OTULIN: variants seen among roughly 807,000 people sequenced by gnomAD.
OTULIN encodes the protein ubiquitin thioesterase otulin.
A neutral mutation model predicts 39.6 loss-of-function variants in OTULIN; 15 were observed. The observed-to-expected ratio is 0.38, with a 90% confidence interval of 0.25 to 0.58. The LOEUF is 0.58. OTULIN is among the 20% of genes least tolerant of loss of function. The pLI, the probability that OTULIN is intolerant of heterozygous loss-of-function variation, is 0.66. For missense variants in OTULIN, 319 were observed against 445.9 expected (o/e 0.72, Z 2.56); for synonymous variants, 156 against 170.3 (o/e 0.92, Z 0.65).
chr5:14,686,966 G>A (rs1736401973), intron 4 of OTULIN, among the ~76,000 whole-genome samples: 2 of 152,180 alleles, frequency 1.3e-5, no homozygotes, highest in African/African-American at 2.4e-5. Context: ...ACTAGACATA[G>A]TATCATTTCT....
the OTULIN span, chr5:14,713,700 GC>G: frequency 8.7e-6 from 14 of 1,611,926 alleles, no homozygotes; most frequent in Non-Finnish European, 1.2e-5. This position sits in a 1 kb window ranked among gnomAD's most constrained non-coding sequence, Gnocchi z 4.4. Context: ...CGTCAGCCGT[GC>G]CCGCCATCCA....
chr5:14,705,357 T>C, the OTULIN span: 1 of 152,172 alleles, frequency 6.6e-6, no homozygotes, highest in South Asian at 2.1e-4. Context: ...TATTCTTCCA[T>C]TGTAGGATCT....
In OTULIN at chr5:14,698,327, T is replaced by A. The variant is rs1031497735; in HGVS notation, c.*5279T>A. ...TGGCTTGTTTAGCAGTGCCTCTGTTTACACCATAAGATGTTCCGCATGTGT... is the reference window on the plus strand; with the variant it reads ...TGGCTTGTTTAGCAGTGCCTCTGTTAACACCATAAGATGTTCCGCATGTGT... On this transcript the variant is annotated 3_prime_UTR_variant, in exon 7 of 7. Coordinates refer to ENST00000284274, the MANE Select transcript of OTULIN (RefSeq NM_138348.6). The A allele has an allele frequency of 6.6e-6, 1 of 152,238 alleles. No individual in the cohort carries two copies. The highest frequency in any genetic ancestry group is 2.4e-5 in the African/African-American group (1 of 41,468). The allele number at this position is 152,238 out of a possible 1,614,324, so 9.4% of individuals were successfully genotyped here.
intron 5 of OTULIN, among the ~76,000 whole-genome samples, chr5:14,689,157 C>T (rs1256885284): frequency 6.6e-6 from 1 of 152,136 alleles, no homozygotes; most frequent in African/African-American, 2.4e-5. Flanking sequence ...GTGGTGAAGC[C>T]TTGATTCCAT....
the OTULIN span, chr5:14,711,256 C>T: frequency 2.5e-6 from 4 of 1,614,030 alleles, no homozygotes; most frequent in Middle Eastern, 1.6e-4. Flanking sequence ...GGAGGCATGT[C>T]TGTCATGGCA....
intron 4 of OTULIN, among the ~76,000 whole-genome samples, chr5:14,684,138 G>C (rs745644092): frequency 6.6e-6 from 1 of 152,184 alleles, no homozygotes; most frequent in Non-Finnish European, 1.5e-5. Context: ...TTGGTCACTT[G>C]GTTTGGTTTT....
chr5:14,704,002 A>G (rs1019646652), downstream of OTULIN, among the ~76,000 whole-genome samples: 3 of 152,220 alleles, frequency 2.0e-5, no homozygotes, highest in African/African-American at 7.2e-5. Context: ...AATTAGAGCC[A>G]TCTTTCTTTG....
chr5:14,680,099 T>G (rs1352979015), intron 3 of OTULIN, among the ~76,000 whole-genome samples: 1 of 152,252 alleles, frequency 6.6e-6, no homozygotes, highest in Non-Finnish European at 1.5e-5. Context: ...AATTTTATTC[T>G]GAAATAGCCT....
chr5:14,700,090 A>G (rs1215498995), downstream of OTULIN, among the ~76,000 whole-genome samples: 4 of 152,204 alleles, frequency 2.6e-5, no homozygotes, highest in Non-Finnish European at 4.4e-5. Context: ...AAGGCTGAGC[A>G]TGTTTTCATT....
downstream of OTULIN, among the ~76,000 whole-genome samples, chr5:14,704,361 A>G (rs1476819891): frequency 1.4e-5 from 2 of 148,008 alleles, no homozygotes; most frequent in Non-Finnish European, 3.0e-5. Flanking sequence ...AAAAAGTGAT[A>G]AAAGAGTAAT....
chr5:14,671,402 G>C (rs1429510960), intron 1 of OTULIN, among the ~76,000 whole-genome samples: 1 of 152,210 alleles, frequency 6.6e-6, no homozygotes, highest in Non-Finnish European at 1.5e-5. Flanking sequence ...CCGTGGGGAA[G>C]TGGCTTGCCC....
At position 14,690,690 on chromosome 5, in the gene OTULIN, G is replaced by A. The variant is rs979547795; in HGVS notation, c.864+382G>A. Among the ~76,000 whole-genome samples, 13 of 152,140 alleles carry A rather than the reference G, an allele frequency of 8.5e-5. No homozygotes were observed. Among genetic ancestry groups the A allele is most frequent in the Non-Finnish European group, 1.8e-4 (12 of 68,024 alleles). ...AGAAAGAAGCCAAAATGCCTTTTAT[G>A]ACCTAATCTAGGATGTCACACACTG... On this transcript the variant is annotated intron_variant, in intron 6 of 6. Coordinates refer to ENST00000284274, the MANE Select transcript of OTULIN (RefSeq NM_138348.6). This position sits in a 1 kb window ranked among gnomAD's most constrained non-coding sequence, Gnocchi z 4.5.
rs955648863 is a variant in OTULIN at position 14,690,547 on chromosome 5, G to C, written c.864+239G>C. On this transcript the variant is annotated intron_variant, in intron 6 of 6. Coordinates refer to ENST00000284274, the MANE Select transcript of OTULIN (RefSeq NM_138348.6). The surrounding 1 kb of genome is among the most constrained non-coding windows in gnomAD (Gnocchi z 4.5). Reference sequence around the variant, plus strand: ...ATGTGGCTGTGGGCAGGAGGCTTCAGTTCCTTACTGGTAGTTAGTAGGAGG... The same window carrying C: ...ATGTGGCTGTGGGCAGGAGGCTTCACTTCCTTACTGGTAGTTAGTAGGAGG... Among the ~76,000 whole-genome samples, 6 of 152,190 alleles carry C rather than the reference G, an allele frequency of 3.9e-5. No homozygotes were observed. The highest frequency in any genetic ancestry group is 8.8e-5 in the Non-Finnish European group (6 of 68,030).
At chr5:14,715,716 T>G in the OTULIN span, among the ~76,000 whole-genome samples, 1 of 152,234 alleles carries the variant, frequency 6.6e-6, no homozygotes, top group African/African-American at 2.4e-5. Flanking sequence ...GATACAGACA[T>G]ACACGTGCTA....
chr5:14,682,868 G>A (rs1234449337), intron 4 of OTULIN, among the ~76,000 whole-genome samples: 1 of 152,208 alleles, frequency 6.6e-6, no homozygotes, highest in African/African-American at 2.4e-5. Context: ...GCCTGATAAA[G>A]TATCCTCAGC....
At chr5:14,674,115 T>C (rs191102666) in intron 2 of OTULIN, 1 of 161,088 alleles carries the variant, frequency 6.2e-6, no homozygotes, top group Admixed American at 6.2e-5. Flanking sequence ...GCCATATGAA[T>C]GTGATTAAGT....
chr5:14,703,995 T>C (rs986762348), downstream of OTULIN, among the ~76,000 whole-genome samples: 1 of 152,110 alleles, frequency 6.6e-6, no homozygotes, highest in Non-Finnish European at 1.5e-5. Context: ...TAAAAAAAAT[T>C]AGAGCCATCT....
At position 14,664,832 on chromosome 5, in the gene OTULIN, C is replaced by T. The variant is rs770748271; in HGVS notation, c.7C>T (p.Arg3Trp). The T allele has an allele frequency of 4.1e-6, 5 of 1,218,530 alleles. No individual in the cohort carries two copies. The African/African-American group carries it at 6.2e-5, about 15-fold the overall frequency. 75.5% of individuals were successfully genotyped at this position (1,218,530 alleles called of 1,614,324 possible). Residue 3 changes from arginine (R) to tryptophan (W), a missense_variant, in exon 1 of 7, where the codon CGG (arginine) becomes TGG (tryptophan). By Grantham distance (101) the Arg-to-Trp change is moderately radical (BLOSUM62 -3). Around this residue, in one of 4 missense-constraint regions of OTULIN, gnomAD observed 132 missense variants for 143.7 expected, o/e 0.92. Coordinates refer to ENST00000284274, the MANE Select transcript of OTULIN (RefSeq NM_138348.6). The stretch of plus-strand genomic sequence containing the variant: ...TTCGGCCGCGAGCGACCGCATGAGT[C>T]GGGGGACTATGCCCCAGCCCGAAGC... MS[R>W]GTMPQPEAWP...
At chr5:14,714,512 C>T in the OTULIN span, among the ~76,000 whole-genome samples, 1 of 152,168 alleles carries the variant, frequency 6.6e-6, no homozygotes, top group Non-Finnish European at 1.5e-5. Context: ...GGAGGAAGTG[C>T]TCATTCCTGG....
Sources: gnomAD v4.1 joint callset for allele counts (sites outside exome capture counted in the v4.1 genomes callset) on GRCh38, gnomAD v4.1.1 for gene constraint, gnomAD v4.1.1 regional missense constraint, Gnocchi (gnomAD v3.1) non-coding constraint, MANE v1.5 for transcripts, NCBI Gene and HGNC (gene_info 2026-07-23, HGNC 2026-07-21) for gene names.